ETV6: variants seen among roughly 807,000 people sequenced by gnomAD.
The protein encoded by ETV6 is transcription factor ETV6.
In ETV6, 16 loss-of-function variants were observed where a neutral mutation model predicts 51.1. The ratio of observed to expected loss-of-function variants is 0.31; its 90% CI spans 0.21 to 0.48. ETV6 has a LOEUF of 0.48. Ranked by LOEUF, ETV6 falls within the 20% of genes least tolerant of loss-of-function variation. The pLI is 0.99. For synonymous variants in ETV6, 240 were observed against 224.1 expected, an observed-to-expected ratio of 1.07 and a Z score of -0.64; for missense variants, 458 against 594.8, an observed-to-expected ratio of 0.77 and a Z score of 2.39.
chr12:11,859,118 G>GCTTTTTTTTTTTTTTTTTTTT lies in ETV6; in HGVS notation c.463+5557_463+5558insCTTTTTTTTTTTTTTTTTTTT, dbSNP rs1565555150. Among the ~76,000 whole-genome samples, 44 of 41,800 alleles carry GCTTTTTTTTTTTTTTTTTTTT rather than the reference G, an allele frequency of 1.1e-3. 20 individuals are homozygous for GCTTTTTTTTTTTTTTTTTTTT. The highest frequency in any genetic ancestry group is 2.6e-3 in the South Asian group (2 of 760). 27.4% of individuals were successfully genotyped at this position (41,800 alleles called of 152,430 possible). The stretch of plus-strand genomic sequence containing the variant: ...TAAAGAAGATGAGGTATATGAATCT[G>GCTTTTTTTTTTTTTTTTTTTT]GTTTTTTTTTTTTTTTTTTTTTTTT... On this transcript the variant is annotated intron_variant, in intron 4 of 7. Coordinates refer to ENST00000396373, the MANE Select transcript of ETV6 (RefSeq NM_001987.5).
At chr12:11,709,218 T>C (rs1865129337) in intron 1 of ETV6, among the ~76,000 whole-genome samples, 1 of 152,214 alleles carries the variant, frequency 6.6e-6, no homozygotes, top group South Asian at 2.1e-4. Context: ...ACCCTACCTA[T>C]ATACCTCTAC....
In ETV6 at chr12:11,694,924, C is replaced by T. The variant is rs113766064; in HGVS notation, c.33+44764C>T. Among the ~76,000 whole-genome samples, 615 of 152,200 alleles carry T rather than the reference C, an allele frequency of 4.0e-3. 1 individual carries two copies. Among genetic ancestry groups the T allele is most frequent in the Middle Eastern group, 0.017 (5 of 294 alleles). ...CTGTGCTTTTCTTCCCTTAGATTGA[C>T]GTGTGATTTAAAAAAACAAAATTTG... On this transcript the variant is annotated intron_variant, in intron 1 of 7. Transcript: ENST00000396373.
At chr12:11,789,732 AT>A (rs1017080637) in intron 2 of ETV6, among the ~76,000 whole-genome samples, 5 of 152,192 alleles carry the variant, frequency 3.3e-5, no homozygotes, top group Non-Finnish European at 5.9e-5. Context: ...TTCCCCCAGA[AT>A]TTTGAAGGTA....
intron 1 of ETV6, among the ~76,000 whole-genome samples, chr12:11,743,828 T>C (rs1865856439): frequency 6.6e-6 from 1 of 152,064 alleles, no homozygotes; most frequent in Non-Finnish European, 1.5e-5. Flanking sequence ...ACTTCCAGGA[T>C]ATAGCCGTTA....
At chr12:11,882,172 T>C (rs995746244) in intron 5 of ETV6, among the ~76,000 whole-genome samples, 6 of 152,356 alleles carry the variant, frequency 3.9e-5, no homozygotes, top group Admixed American at 2.0e-4. Flanking sequence ...TAAGGGATAC[T>C]AAAGATTTAG....
chr12:11,749,259 TC>T (rs1436253062), intron 1 of ETV6, among the ~76,000 whole-genome samples: 1 of 146,586 alleles, frequency 6.8e-6, no homozygotes, highest in African/African-American at 2.6e-5. Flanking sequence ...GCGGTTATAA[TC>T]CTCTTGGGAA....
chr12:11,809,873 G>A (rs769957812), intron 2 of ETV6, among the ~76,000 whole-genome samples: 8 of 136,796 alleles, frequency 5.8e-5, no homozygotes, highest in Non-Finnish European at 7.6e-5. Context: ...AGGCTGGAGT[G>A]CAGTGGCGTG....
intron 2 of ETV6, among the ~76,000 whole-genome samples, chr12:11,815,909 T>A (rs1048359387): frequency 1.3e-5 from 2 of 152,186 alleles, no homozygotes; most frequent in African/African-American, 4.8e-5. Flanking sequence ...AGTTTCTGCT[T>A]TTTTGCTGTT....
intron 5 of ETV6, among the ~76,000 whole-genome samples, chr12:11,873,143 A>G (rs949083159): frequency 2.6e-5 from 4 of 152,208 alleles, no homozygotes; most frequent in African/African-American, 9.7e-5. Context: ...TAATGCAACC[A>G]AATCCAAATT....
intron 1 of ETV6, among the ~76,000 whole-genome samples, chr12:11,657,167 G>T (rs186518448): frequency 6.6e-6 from 1 of 152,164 alleles, no homozygotes; most frequent in East Asian, 1.9e-4. Flanking sequence ...GAGATAATAT[G>T]AGGGGATTCA....
chr12:11,775,928 C>T (rs893422589), intron 2 of ETV6, among the ~76,000 whole-genome samples: 2 of 152,172 alleles, frequency 1.3e-5, no homozygotes, highest in South Asian at 2.1e-4. Context: ...TCTGTCTAAC[C>T]TGGTATTTTC....
chr12:11,735,086 CTTTTTTTT>C (rs58797937), intron 1 of ETV6, among the ~76,000 whole-genome samples: 112 of 76,240 alleles, frequency 1.5e-3, no homozygotes, highest in African/African-American at 3.7e-3. Flanking sequence ...GCAAGGTGGC[CTTTTTTTT>C]TTTTTTTTTT....
Position 11,788,003 on chromosome 12 carries a change from G to A in ETV6, c.163+35424G>A, listed in dbSNP as rs185570254. On this transcript the variant is annotated intron_variant, in intron 2 of 7. Coordinates refer to ENST00000396373, the MANE Select transcript of ETV6 (RefSeq NM_001987.5). Reference sequence around the variant, plus strand: ...TACTGGAAAAAAGTACATTAATTACGGGAGTAAAGCACAATAAGAAAACAT... The same window carrying A: ...TACTGGAAAAAAGTACATTAATTACAGGAGTAAAGCACAATAAGAAAACAT... 8.2e-4 allele frequency among the ~76,000 whole-genome samples: 125 copies of A among 152,188 alleles called. 1 individual carries two copies. In the East Asian group the frequency reaches 0.012, roughly 14 times the overall value.
At chr12:11,654,301 G>A (rs1187269053) in intron 1 of ETV6, among the ~76,000 whole-genome samples, 1 of 152,160 alleles carries the variant, frequency 6.6e-6, no homozygotes, top group African/African-American at 2.4e-5. Flanking sequence ...AACATTCAGA[G>A]TTGAGAGACC....
intron 1 of ETV6, among the ~76,000 whole-genome samples, chr12:11,710,364 C>T (rs1201245556): frequency 6.6e-6 from 1 of 152,120 alleles, no homozygotes; most frequent in Non-Finnish European, 1.5e-5. Flanking sequence ...CCTCCTGTCT[C>T]CTCAGATGTC....
chr12:11,838,032 C>T (rs1169375798), intron 2 of ETV6, among the ~76,000 whole-genome samples: 1 of 152,090 alleles, frequency 6.6e-6, no homozygotes, highest in African/African-American at 2.4e-5. Flanking sequence ...TTTTCCCAAA[C>T]CAAAAATAAT....
chr12:11,728,731 A>C (rs1345048989), intron 1 of ETV6, among the ~76,000 whole-genome samples: 1 of 152,226 alleles, frequency 6.6e-6, no homozygotes, highest in Admixed American at 6.5e-5. Flanking sequence ...GTTAAGATTT[A>C]TGACATTAGC....
chr12:11,804,328 CCA>C (rs1338565370), intron 2 of ETV6, among the ~76,000 whole-genome samples: 1 of 152,220 alleles, frequency 6.6e-6, no homozygotes, highest in Non-Finnish European at 1.5e-5. Context: ...CCACTGGCTT[CCA>C]GTTTCATTTG....
At chr12:11,712,402 C>T (rs1449608595) in intron 1 of ETV6, among the ~76,000 whole-genome samples, 1 of 152,152 alleles carries the variant, frequency 6.6e-6, no homozygotes, top group African/African-American at 2.4e-5. Context: ...CAGTCTCAGT[C>T]CAGTCCCTTC....
Sources: gnomAD v4.1 joint callset for allele counts (sites outside exome capture counted in the v4.1 genomes callset) on GRCh38, gnomAD v4.1.1 for gene constraint, MANE v1.5 for transcripts, NCBI Gene and HGNC (gene_info 2026-07-23, HGNC 2026-07-21) for gene names.